SENP7: variants seen among roughly 807,000 people sequenced by gnomAD.
SENP7 encodes sentrin-specific protease 7.
SENP7 carries 64 observed loss-of-function variants against 141.2 expected under a neutral mutation model. The observed-to-expected ratio is 0.45, with a 90% CI of 0.37 to 0.56. SENP7 has a LOEUF of 0.56. Among genes scored for constraint, SENP7 ranks in the 20% least tolerant of loss-of-function variants. The probability of loss-of-function intolerance (pLI) is 0.00; values close to 1 mark genes in which losing one functional copy is unlikely to be tolerated. For synonymous variants in SENP7, 382 were observed against 426.4 expected, an observed-to-expected ratio of 0.90 and a Z score of 1.28; for missense variants, 1,025 against 1,212.2, an observed-to-expected ratio of 0.85 and a Z score of 2.29.
intron 1 of SENP7, among the ~76,000 whole-genome samples, chr3:101,510,418 G>A (rs966554662): frequency 1.3e-5 from 2 of 152,180 alleles, no homozygotes; most frequent in Non-Finnish European, 2.9e-5. Flanking sequence ...GTTTAGGGCA[G>A]CCTAATGTAG....
At chr3:101,443,456 C>G (rs571999083) in intron 4 of SENP7, among the ~76,000 whole-genome samples, 2 of 123,286 alleles carry the variant, frequency 1.6e-5, no homozygotes, top group Admixed American at 2.0e-4. Context: ...TCCATATGAA[C>G]TTTAAAGTAG....
At chr3:101,464,828 TA>T (rs1232232544) in intron 3 of SENP7, among the ~76,000 whole-genome samples, 4 of 151,914 alleles carry the variant, frequency 2.6e-5, no homozygotes, top group Non-Finnish European at 5.9e-5. Context: ...ACCGCTGGCC[TA>T]AAAAGCAGAA....
chr3:101,394,114 A>G (rs1292682577), intron 6 of SENP7, among the ~76,000 whole-genome samples: 3 of 152,032 alleles, frequency 2.0e-5, no homozygotes, highest in Non-Finnish European at 4.4e-5. Context: ...CCACACATAC[A>G]CTTCCCAGCC....
chr3:101,456,360 G>A (rs1348917310), intron 4 of SENP7, among the ~76,000 whole-genome samples: 4 of 152,030 alleles, frequency 2.6e-5, no homozygotes, highest in Non-Finnish European at 2.9e-5. Context: ...TCAGGATCAC[G>A]TCAACCACAT....
chr3:101,503,038 AATAT>A (rs1439418557), intron 1 of SENP7, among the ~76,000 whole-genome samples: 1 of 152,196 alleles, frequency 6.6e-6, no homozygotes, highest in African/African-American at 2.4e-5. Context: ...TCATAACCAG[AATAT>A]ATAAAGAACT....
intron 4 of SENP7, among the ~76,000 whole-genome samples, chr3:101,434,587 C>CA (rs1195679100): frequency 8.6e-5 from 13 of 151,808 alleles, no homozygotes; most frequent in Non-Finnish European, 1.5e-5. Flanking sequence ...AAAAAGGAGG[C>CA]ATTACAACTG....
chr3:101,506,019 A>ATTTTTTTTTTTTTTTTTTT (rs143265103), intron 1 of SENP7, among the ~76,000 whole-genome samples: 3 of 142,126 alleles, frequency 2.1e-5, no homozygotes, highest in Non-Finnish European at 4.5e-5. Context: ...TTTATTCCAT[A>ATTTTTTTTTTTTTTTTTTT]ATTTTTTTTT....
At chr3:101,399,499 C>T (rs2061069973) in intron 5 of SENP7, among the ~76,000 whole-genome samples, 1 of 152,112 alleles carries the variant, frequency 6.6e-6, no homozygotes, top group Non-Finnish European at 1.5e-5. Flanking sequence ...ATAATAAATC[C>T]AACAAGACAT....
intron 5 of SENP7, among the ~76,000 whole-genome samples, chr3:101,415,858 G>A (rs751616402): frequency 6.8e-6 from 1 of 148,036 alleles, no homozygotes; most frequent in Non-Finnish European, 1.5e-5. Flanking sequence ...AACACAGCCT[G>A]TCCATTTACT....
intron 5 of SENP7, among the ~76,000 whole-genome samples, chr3:101,411,564 G>A (rs1353410659): frequency 6.6e-6 from 1 of 152,102 alleles, no homozygotes; most frequent in African/African-American, 2.4e-5. Flanking sequence ...TATAAACTGA[G>A]AGCTAAATTA....
chr3:101,343,882 T>G lies in SENP7; in HGVS notation c.1910A>C (p.Asp637Ala), dbSNP rs747370006. The change falls in exon 14 of 24, where the codon GAT (aspartate) becomes GCT (alanine). Residue 637 changes from aspartate to alanine, a missense_variant. This residue lies in a region of SENP7 where 228 missense variants were observed against 228.5 expected (regional missense o/e 1.00). Transcript: ENST00000394095. ...GATTATACTTATTTCCGTCATAATA[T>G]CTTTCAGCTTCAATTCTTCTCTTTG... ...VSQREELKLK[D>A]IMTEISIISG... 1.2e-6 allele frequency: 2 copies of G among 1,612,626 alleles called. No individual in the cohort carries two copies. Among genetic ancestry groups the G allele is most frequent in the South Asian group, 1.1e-5 (1 of 90,984 alleles).
intron 3 of SENP7, among the ~76,000 whole-genome samples, chr3:101,492,460 TA>T (rs747027408): frequency 1.3e-5 from 2 of 152,146 alleles, no homozygotes; most frequent in Admixed American, 6.5e-5. Context: ...CACGTTATCC[TA>T]AAATAAATGC....
intron 3 of SENP7, among the ~76,000 whole-genome samples, chr3:101,467,331 G>A (rs2063796032): frequency 1.3e-5 from 2 of 152,242 alleles, no homozygotes; most frequent in South Asian, 2.1e-4. Flanking sequence ...GAGAGCAGTG[G>A]TTCTCCCAGC....
At chr3:101,490,956 C>T (rs538467500) in intron 3 of SENP7, among the ~76,000 whole-genome samples, 3 of 152,070 alleles carry the variant, frequency 2.0e-5, no homozygotes, top group South Asian at 2.1e-4. Flanking sequence ...AACAGGATTT[C>T]GATTTCCCAA....
intron 4 of SENP7, among the ~76,000 whole-genome samples, chr3:101,433,996 C>T (rs145459986): frequency 4.8e-4 from 73 of 152,162 alleles, no homozygotes; most frequent in African/African-American, 1.6e-3. Flanking sequence ...TTTTCCTCAG[C>T]ACATAGACCA....
At chr3:101,486,082 T>G (rs535451197) in intron 3 of SENP7, among the ~76,000 whole-genome samples, 1 of 152,214 alleles carries the variant, frequency 6.6e-6, no homozygotes, top group East Asian at 1.9e-4. Flanking sequence ...CAAGAAAATA[T>G]GAACAGAGTC....
chr3:101,484,664 G>C (rs1182793195), intron 3 of SENP7, among the ~76,000 whole-genome samples: 1 of 152,166 alleles, frequency 6.6e-6, no homozygotes. Flanking sequence ...CTAACCTGGA[G>C]CTGAGCCAAT....
In SENP7 at chr3:101,457,395, A is replaced by G; in HGVS notation, c.284+1560T>C. 2.7e-6 allele frequency: 4 copies of G among 1,486,478 alleles called. No individual in the cohort carries two copies. The Admixed American group carries it at 6.7e-5, about 25-fold the overall frequency. 92.1% of individuals were successfully genotyped at this position (1,486,478 alleles called of 1,614,324 possible). On this transcript the variant is annotated intron_variant, in intron 4 of 23. Transcript: ENST00000394095. ...TCTGCTTAAACTGTTCAGACTGTCT[A>G]CACCAAGCTGGTTTAAGATGTTGGG... is the stretch of plus-strand genomic sequence containing the variant.
At chr3:101,478,395 C>A (rs919691861) in intron 3 of SENP7, among the ~76,000 whole-genome samples, 4 of 152,074 alleles carry the variant, frequency 2.6e-5, no homozygotes, top group African/African-American at 9.7e-5. Flanking sequence ...GTCGTGCATA[C>A]CTGTGATACT....
Sources: allele counts gnomAD v4.1 joint callset (sites outside exome capture counted in the v4.1 genomes callset), GRCh38; gene constraint gnomAD v4.1.1; regional missense constraint gnomAD v4.1.1; transcripts MANE v1.5; gene names NCBI Gene and HGNC (gene_info 2026-07-23, HGNC 2026-07-21).